The following ATP23 variants were observed in gnomAD, a reference collection of about 807,000 sequenced individuals.
The protein encoded by ATP23 is mitochondrial inner membrane protease ATP23 homolog.
In ATP23, 24 loss-of-function variants were observed where a neutral mutation model predicts 28.5. The ratio of observed to expected loss-of-function variants is 0.84; its 90% CI spans 0.61 to 1.18. ATP23 has a LOEUF of 1.18. Among genes scored for constraint, ATP23 ranks in the 50% most tolerant of loss-of-function variants. ATP23 has a pLI of 0.00. For synonymous variants in ATP23, 99 were observed against 108.6 expected, an observed-to-expected ratio of 0.91 and a Z score of 0.55; for missense variants, 274 against 306.4, an observed-to-expected ratio of 0.89 and a Z score of 0.79.
In ATP23 at chr12:57,958,251, C is replaced by G. The variant is rs1956886601; in HGVS notation, c.*1361C>G. On this transcript the variant is annotated 3_prime_UTR_variant, in exon 6 of 6. Transcript: ENST00000300145. ...AAGACCTGCCCAAGGAGAGTCTGAG[C>G]TCAGACATGTCTATCCCTGCCCCGA... Among the ~76,000 whole-genome samples, 1 of 152,280 alleles carries G rather than the reference C, an allele frequency of 6.6e-6. No homozygotes were observed. The highest frequency in any genetic ancestry group is 2.4e-5 in the African/African-American group (1 of 41,544).
chr12:57,955,472 T>C (rs999184995), intron 5 of ATP23, among the ~76,000 whole-genome samples: 3 of 151,948 alleles, frequency 2.0e-5, no homozygotes, highest in Non-Finnish European at 2.9e-5. Context: ...GAGAATGGAG[T>C]CCCTGCTTTT....
intron 1 of ATP23, among the ~76,000 whole-genome samples, chr12:57,942,650 C>T (rs567065794): frequency 6.6e-6 from 1 of 152,228 alleles, no homozygotes; most frequent in South Asian, 2.1e-4. Flanking sequence ...GTCTTGATCT[C>T]CTGACCTCGT....
chr12:57,945,492 A>T, intron 1 of ATP23, 136 bp from the exon 2 acceptor site: 1 of 701,460 alleles, frequency 1.4e-6, no homozygotes, highest in Non-Finnish European at 2.5e-6. Context: ...TCAACCTCCT[A>T]AAGTGCTGGG....
chr12:57,947,152 C>T (rs182342591), intron 3 of ATP23, 76 bp downstream of exon 3: 33 of 1,381,182 alleles, frequency 2.4e-5, no homozygotes, highest in Admixed American at 1.1e-4. Flanking sequence ...TCCACATGCT[C>T]GGCATTCTGT....
At chr12:57,944,022 A>T (rs1956735429) in intron 1 of ATP23, among the ~76,000 whole-genome samples, 1 of 146,446 alleles carries the variant, frequency 6.8e-6, no homozygotes, top group Non-Finnish European at 1.5e-5. Flanking sequence ...TTTATTCTAA[A>T]TATTGCTGCA....
chr12:57,951,094 A>G (rs1005040045), intron 3 of ATP23, among the ~76,000 whole-genome samples: 2 of 152,202 alleles, frequency 1.3e-5, no homozygotes, highest in Non-Finnish European at 2.9e-5. Flanking sequence ...TTATTCTTAT[A>G]GGGTCCTGCT....
chr12:57,946,211 G>T (rs1198916781), intron 2 of ATP23, among the ~76,000 whole-genome samples: 1 of 152,040 alleles, frequency 6.6e-6, no homozygotes, highest in African/African-American at 2.4e-5. Flanking sequence ...GATTAATAAA[G>T]ACAGTACTCA....
intron 3 of ATP23, among the ~76,000 whole-genome samples, chr12:57,951,498 G>A (rs1480536456): frequency 5.3e-5 from 8 of 152,138 alleles, no homozygotes; most frequent in South Asian, 4.1e-4. Flanking sequence ...GTGTGAATAC[G>A]TGTCCTTAAT....
Position 57,951,887 on chromosome 12 carries a change from T to A in ATP23, c.445T>A (p.Cys149Ser). 1 of 1,614,194 alleles carries A rather than the reference T, an allele frequency of 6.2e-7. No homozygotes were observed. The highest frequency in any genetic ancestry group is 8.5e-7 in the Non-Finnish European group (1 of 1,180,010). ...GTTCACCAACATCAGACATTTGGCGTGCTCAGAGGTGAGTTTTATTGTATT... is the reference window on the plus strand; with the variant it reads ...GTTCACCAACATCAGACATTTGGCGAGCTCAGAGGTGAGTTTTATTGTATT... ...DWFTNIRHLA[C>S]SEVRAANLSG... The change falls in exon 4 of 6, where the codon TGC (cysteine) becomes AGC (serine). Residue 149 changes from cysteine to serine, a missense_variant. Transcript: ENST00000300145.
rs1956893847 is a variant in ATP23, at chr12:57,959,024, T to A, written c.*2134T>A. On this transcript the variant is annotated 3_prime_UTR_variant, in exon 6 of 6. Coordinates refer to ENST00000300145, the MANE Select transcript of ATP23 (RefSeq NM_033276.4). ...GTGAAGGGAGAAATATTCAAGGAAATGGAGAGCTTAAAGAAAAAAGAATAA... is the reference window on the plus strand; with the variant it reads ...GTGAAGGGAGAAATATTCAAGGAAAAGGAGAGCTTAAAGAAAAAAGAATAA... 6.6e-6 allele frequency among the ~76,000 whole-genome samples: 1 copy of A among 151,926 alleles called. No individual in the cohort carries two copies. The highest frequency in any genetic ancestry group is 1.5e-5 in the Non-Finnish European group (1 of 68,006).
intron 5 of ATP23, 105 bp downstream of exon 5, chr12:57,953,794 G>A (rs956800778): frequency 4.5e-5 from 46 of 1,013,156 alleles, no homozygotes; most frequent in South Asian, 2.0e-4. Flanking sequence ...AAAGAACTTC[G>A]TATGTGAAAA....
At chr12:57,944,154 A>G (rs2140527080) in intron 1 of ATP23, among the ~76,000 whole-genome samples, 1 of 151,510 alleles carries the variant, frequency 6.6e-6, no homozygotes, top group Non-Finnish European at 1.5e-5. Flanking sequence ...TGTGCTTAAT[A>G]TGGTGCCTGC....
intron 3 of ATP23, among the ~76,000 whole-genome samples, chr12:57,948,043 T>C (rs998851495): frequency 2.6e-5 from 4 of 152,176 alleles, no homozygotes; most frequent in African/African-American, 9.6e-5. Flanking sequence ...TGAGTTCAAA[T>C]CCTAGTTTCC....
At chr12:57,950,087 GC>G (rs999119943) in intron 3 of ATP23, among the ~76,000 whole-genome samples, 111 of 152,234 alleles carry the variant, frequency 7.3e-4, no homozygotes, top group African/African-American at 2.6e-3. Context: ...TAGAATATTA[GC>G]CTTCAGCTAA....
intron 1 of ATP23, 110 bp from the exon 2 acceptor site, chr12:57,945,518 C>A: frequency 1.1e-6 from 1 of 879,056 alleles, no homozygotes; most frequent in Non-Finnish European, 1.8e-6. Flanking sequence ...AGGCATGAGC[C>A]ACTGCATCTG....
intron 5 of ATP23, among the ~76,000 whole-genome samples, chr12:57,954,547 T>G (rs1318016921): frequency 6.6e-6 from 1 of 152,212 alleles, no homozygotes; most frequent in Non-Finnish European, 1.5e-5. Flanking sequence ...AAGGCAAGAT[T>G]ATCCTGGTAG....
rs1165121288 is a variant in ATP23, at chr12:57,957,497, A to G, written c.*607A>G. On this transcript the variant is annotated 3_prime_UTR_variant, in exon 6 of 6. Transcript: ENST00000300145. Reference sequence around the variant, plus strand: ...AGAACAAACCAGCAATACTGAGAGGACCCACAGACCCTCTGAAGGAAGCGA... The same window carrying G: ...AGAACAAACCAGCAATACTGAGAGGGCCCACAGACCCTCTGAAGGAAGCGA... Among the ~76,000 whole-genome samples, 1 of 152,096 alleles carries G rather than the reference A, an allele frequency of 6.6e-6. No individual in the cohort carries two copies. Among genetic ancestry groups the G allele is most frequent in the Non-Finnish European group, 1.5e-5 (1 of 68,012 alleles).
At chr12:57,952,366 A>G (rs1355347805) in intron 4 of ATP23, among the ~76,000 whole-genome samples, 1 of 152,236 alleles carries the variant, frequency 6.6e-6, no homozygotes, top group Non-Finnish European at 1.5e-5. Context: ...TTTAGATTCC[A>G]AAGTTAGTAA....
chr12:57,947,578 C>T (rs1190703911), intron 3 of ATP23, among the ~76,000 whole-genome samples: 1 of 152,142 alleles, frequency 6.6e-6, no homozygotes, highest in East Asian at 1.9e-4. Context: ...GTTTTGAATG[C>T]TAAATTAAAG....
Sources: gnomAD v4.1 joint callset for allele counts (sites outside exome capture counted in the v4.1 genomes callset) on GRCh38, gnomAD v4.1.1 for gene constraint, MANE v1.5 for transcripts, NCBI Gene and HGNC (gene_info 2026-07-23, HGNC 2026-07-21) for gene names.